The following CIC variants were observed in gnomAD, a reference collection of about 807,000 sequenced individuals.
CIC encodes capicua transcriptional repressor.
CIC carries 18 observed loss-of-function variants against 115.7 expected under a neutral mutation model. That is an observed-to-expected ratio of 0.16 (90% CI 0.11 to 0.23). The LOEUF (loss-of-function observed/expected upper bound fraction) is 0.23. Ranked by LOEUF, CIC falls within the 10% of genes least tolerant of loss-of-function variation. The pLI, the probability that CIC is intolerant of heterozygous loss-of-function variation, is 1.00. For synonymous variants in CIC, 1,076 were observed against 923.0 expected (o/e 1.17, Z -3.01); for missense variants, 2,000 against 2,159.3 (o/e 0.93, Z 1.46).
At position 42,294,749 on chromosome 19, in the gene CIC, G is replaced by A. The variant is rs764994929; in HGVS notation, c.7186+14G>A. On this transcript the variant is annotated intron_variant, in intron 20 of 20. Transcript: ENST00000681038. ...TCTTCCCGTCAGGTGAGCCTGTCTCGGAGTCTTGGGGTCACTCGGGTGGGA... is the reference window on the plus strand; with the variant it reads ...TCTTCCCGTCAGGTGAGCCTGTCTCAGAGTCTTGGGGTCACTCGGGTGGGA... 8.7e-6 allele frequency: 14 copies of A among 1,612,414 alleles called. No individual in the cohort carries two copies. Among genetic ancestry groups the A allele is most frequent in the Middle Eastern group, 1.7e-4 (1 of 6,060 alleles).
intron 2 of CIC, chr19:42,284,818 G>C (rs192606966): frequency 2.7e-6 from 4 of 1,470,804 alleles, no homozygotes; most frequent in Non-Finnish European, 3.7e-6. Flanking sequence ...AGGTGTCGGG[G>C]TGCTAAGTGC....
rs955358808 is a variant in CIC, at chr19:42,284,322, GCGCCC to G, written c.2795-2439_2795-2435del. On this transcript the variant is annotated intron_variant, in intron 2 of 20. Coordinates refer to ENST00000681038, the MANE Select transcript of CIC (RefSeq NM_001386298.1). The stretch of plus-strand genomic sequence containing the variant: ...GGGGCCGCCCCCGCGCACGCGCGTC[GCGCCC>G]CGCCCCGCCTGCCCCGCCTGCCCCG... The G allele has an allele frequency of 4.9e-5, 7 of 141,794 alleles. No homozygotes were observed. In the South Asian group the frequency reaches 9.1e-4, roughly 18 times the overall value. 8.8% of individuals were successfully genotyped at this position (141,794 alleles called of 1,614,324 possible). A position where few individuals can be genotyped will look rare whatever the true frequency, so the allele number is the denominator to read the frequency against.
Position 42,291,579 on chromosome 19 carries a change from A to G in CIC, c.5447A>G (p.Gln1816Arg), listed in dbSNP as rs763794692. Residue 1816 changes from glutamine (Q) to arginine (R), a missense_variant, in exon 12 of 21, where the codon CAG becomes CGG. Transcript: ENST00000681038. ...PPKAQSVSPV[Q>R]APPPGGSAQL... The stretch of plus-strand genomic sequence containing the variant: ...CCAGCCCAGTCAGTTTCTCCCGTGC[A>G]GGCCCCGCCCCCGGGTGGCTCAGCC... 3 of 1,612,986 alleles carry G rather than the reference A, an allele frequency of 1.9e-6. No homozygotes were observed. The highest frequency in any genetic ancestry group is 1.1e-5 in the South Asian group (1 of 91,072).
intron 2 of CIC, chr19:42,284,909 C>T: frequency 2.5e-6 from 2 of 802,902 alleles, no homozygotes; most frequent in East Asian, 2.8e-5. Context: ...TTACGGAGCT[C>T]GGCCGGGCCG....
rs1354996798 is a variant in CIC, at chr19:42,290,909, G to A, written c.4868G>A (p.Gly1623Glu). Residue 1623 changes from glycine to glutamate, a missense_variant, in exon 11 of 21, where the codon GGG becomes GAG. This residue lies in a region of CIC where 1,466 missense variants were observed against 1,390.4 expected (regional missense o/e 1.05). Coordinates refer to ENST00000681038, the MANE Select transcript of CIC (RefSeq NM_001386298.1). ...GGTGCCAGGACTGAAATGGGCACTGGGTCTCGGGTGCCTGGGGGCTCCCCG... is the reference window on the plus strand; with the variant it reads ...GGTGCCAGGACTGAAATGGGCACTGAGTCTCGGGTGCCTGGGGGCTCCCCG... ...TAGARTEMGT[G>E]SRVPGGSPLG... is the part of the protein sequence containing the mutation. 1.9e-6 allele frequency: 3 copies of A among 1,613,428 alleles called. No homozygotes were observed. The Admixed American group carries it at 5.0e-5, about 27-fold the overall frequency.
rs1453249348 is a variant in CIC, at chr19:42,271,906, G to A, written c.123G>A (p.Glu41=). The change falls in exon 2 of 21, where the codon GAG becomes GAA. Residue 41 remains glutamate, a synonymous_variant. Transcript: ENST00000681038. ...RRGAGEGDKP[E]EEDDEAQQPQ... The stretch of plus-strand genomic sequence containing the variant: ...GGGCTGGGGAGGGTGACAAGCCAGA[G>A]GAGGAGGATGACGAGGCACAGCAGC... The A allele has an allele frequency of 1.8e-5, 7 of 398,942 alleles. No homozygotes were observed. The highest frequency in any genetic ancestry group is 3.1e-5 in the Non-Finnish European group (7 of 226,360). 24.7% of individuals were successfully genotyped at this position (398,942 alleles called of 1,614,324 possible). A position where few individuals can be genotyped will look rare whatever the true frequency, so the allele number is the denominator to read the frequency against.
rs1436151198 is a variant in CIC, at chr19:42,292,820, G to A, written c.6157G>A (p.Ala2053Thr). ...LPKGPPAPAT[A>T]TPAPTSPFPS... ...CAAGGGCCCGCCAGCCCCTGCCACT[G>A]CCACCCCAGCCCCGACTAGCCCTTT... Residue 2053 changes from alanine to threonine, a missense_variant, in exon 15 of 21, where the codon GCC (alanine) becomes ACC (threonine). This residue lies in a region of CIC where 1,466 missense variants were observed against 1,390.4 expected (regional missense o/e 1.05). Coordinates refer to ENST00000681038, the MANE Select transcript of CIC (RefSeq NM_001386298.1). 2 of 1,613,792 alleles carry A rather than the reference G, an allele frequency of 1.2e-6. No homozygotes were observed. Among genetic ancestry groups the A allele is most frequent in the South Asian group, 2.2e-5 (2 of 91,078 alleles).
At chr19:42,292,039 G>C in intron 12 of CIC, 47 bp from the exon 13 acceptor site, 1 of 1,612,016 alleles carries the variant, frequency 6.2e-7, no homozygotes. Context: ...CCCTGCCCCA[G>C]TCTGGGGCCA....
Position 42,280,328 on chromosome 19 carries a change from C to T in CIC, c.2794+5751C>T, listed in dbSNP as rs964306334. On this transcript the variant is annotated intron_variant, in intron 2 of 20. Transcript: ENST00000681038. The surrounding 1 kb of genome is among the most constrained non-coding windows in gnomAD (Gnocchi z 4.9). ...TGCTATCCCCCCTCTGAGCCTGTTT[C>T]TTGCGAAGTAGTCGGGGAAACCGGG... 1 of 152,240 alleles carries T rather than the reference C, an allele frequency of 6.6e-6. No individual in the cohort carries two copies. The highest frequency in any genetic ancestry group is 6.5e-5 in the Admixed American group (1 of 15,290). 9.4% of individuals were successfully genotyped at this position (152,240 alleles called of 1,614,324 possible). A position where few individuals can be genotyped will look rare whatever the true frequency, so the allele number is the denominator to read the frequency against.
chr19:42,271,794 T>C lies in CIC; in HGVS notation c.11T>C (p.Met4Thr), dbSNP rs2036799534. Residue 4 changes from methionine to threonine, a missense_variant, in exon 2 of 21, where the codon ATG becomes ACG. Around this residue, in one of 8 missense-constraint regions of CIC, gnomAD observed 222 missense variants for 247.7 expected, o/e 0.90. Coordinates refer to ENST00000681038, the MANE Select transcript of CIC (RefSeq NM_001386298.1). MKP[M>T]KKACTGLSGP... Reference sequence around the variant, plus strand: ...TGCAGGTGGACAAAAATGAAGCCAATGAAGAAGGCATGCACTGGCCTTTCA... The same window carrying C: ...TGCAGGTGGACAAAAATGAAGCCAACGAAGAAGGCATGCACTGGCCTTTCA... The C allele has an allele frequency of 2.5e-6, 1 of 398,688 alleles. No homozygotes were observed. The highest frequency in any genetic ancestry group is 4.4e-6 in the Non-Finnish European group (1 of 226,134). 24.7% of individuals were successfully genotyped at this position (398,688 alleles called of 1,614,324 possible).
At chr19:42,279,179 GGTCTCCT>G (rs1347863103) in intron 2 of CIC, among the ~76,000 whole-genome samples, 1 of 152,224 alleles carries the variant, frequency 6.6e-6, no homozygotes, top group Non-Finnish European at 1.5e-5. Context: ...GTTAAGCCTG[GGTCTCCT>G]GACTCCCCAG....
chr19:42,277,542 G>A (rs1208045303), intron 2 of CIC, among the ~76,000 whole-genome samples: 2 of 152,136 alleles, frequency 1.3e-5, no homozygotes, highest in African/African-American at 4.8e-5. Flanking sequence ...CAAGAGCCAG[G>A]ATTTGAACTC....
In CIC at chr19:42,287,812, G is replaced by A. The variant is rs763282122; in HGVS notation, c.3495G>A (p.Val1165=). Reference sequence around the variant, plus strand: ...GTTGCCCTGCCCTCTCCTGCCAGGTGAAGGAGGCCCACTTCAAGGCCCACC... The same window carrying A: ...GTTGCCCTGCCCTCTCCTGCCAGGTAAAGGAGGCCCACTTCAAGGCCCACC... The part of the protein sequence containing the change: ...KQKYHDLAFQ[V]KEAHFKAHPD... Residue 1165 remains valine (V), a splice_region_variant and synonymous_variant, in exon 7 of 21, where the codon GTG becomes GTA. Coordinates refer to ENST00000681038, the MANE Select transcript of CIC (RefSeq NM_001386298.1). This position sits in a 1 kb window ranked among gnomAD's most constrained non-coding sequence, Gnocchi z 8.7. 1 of 1,613,986 alleles carries A rather than the reference G, an allele frequency of 6.2e-7. No homozygotes were observed. The highest frequency in any genetic ancestry group is 8.5e-7 in the Non-Finnish European group (1 of 1,179,912).
rs767737613 is a variant in CIC, at chr19:42,293,753, G to A, written c.6684G>A (p.Pro2228=). The change falls in exon 17 of 21, where the codon CCG becomes CCA. Residue 2228 remains proline (P), a synonymous_variant. Coordinates refer to ENST00000681038, the MANE Select transcript of CIC (RefSeq NM_001386298.1). ...GTGGGCGGGCAGCCGGGGACACCCC[G>A]GAGCGCAAGGAGGCGGCTGGTACTG... is the stretch of plus-strand genomic sequence containing the variant. ...SSSGRAAGDT[P]ERKEAAGTGK... is the part of the protein sequence containing the mutation. The A allele has an allele frequency of 4.3e-5, 70 of 1,612,716 alleles. No homozygotes were observed. Among genetic ancestry groups the A allele is most frequent in the African/African-American group, 2.0e-4 (15 of 74,946 alleles).
Position 42,289,214 on chromosome 19 carries a change from A to C in CIC, c.3895A>C (p.Lys1299Gln). ...VSGPASYSGP[K>Q]PSTQYGAPGP... is the part of the protein sequence containing the mutation. The stretch of plus-strand genomic sequence containing the variant: ...TGGCCCTGCATCGTACTCTGGCCCA[A>C]AGCCTTCTACCCAGTATGGAGCTCC... The change falls in exon 9 of 21, where the codon AAG becomes CAG. Residue 1299 changes from lysine to glutamine, a missense_variant. Coordinates refer to ENST00000681038, the MANE Select transcript of CIC (RefSeq NM_001386298.1). 1 of 1,613,338 alleles carries C rather than the reference A, an allele frequency of 6.2e-7. No homozygotes were observed. Among genetic ancestry groups the C allele is most frequent in the Non-Finnish European group, 8.5e-7 (1 of 1,180,010 alleles).
chr19:42,294,487 C>A, intron 19 of CIC, 117 bp from the exon 20 acceptor site: 1 of 1,562,024 alleles, frequency 6.4e-7, no homozygotes, highest in Non-Finnish European at 8.7e-7. Context: ...TGGGCAGGAC[C>A]CCTCTCTGAC....
intron 2 of CIC, among the ~76,000 whole-genome samples, chr19:42,286,024 G>A (rs1374773658): frequency 6.6e-6 from 1 of 152,222 alleles, no homozygotes; most frequent in Non-Finnish European, 1.5e-5. Context: ...CCTGTTTTGG[G>A]CAAGGGGGCT....
rs1182992117 is a variant in CIC, at chr19:42,294,974, T to C, written c.7337T>C (p.Val2446Ala). 6.3e-7 allele frequency: 1 copy of C among 1,599,768 alleles called. No individual in the cohort carries two copies. The highest frequency in any genetic ancestry group is 1.1e-5 in the South Asian group (1 of 91,072). Residue 2446 changes from valine to alanine, a missense_variant, in exon 21 of 21, where the codon GTA becomes GCA. By Grantham distance (64) the Val-to-Ala change is moderately conservative. Around this residue, in one of 8 missense-constraint regions of CIC, gnomAD observed 133 missense variants for 116.0 expected, o/e 1.15. Coordinates refer to ENST00000681038, the MANE Select transcript of CIC (RefSeq NM_001386298.1). ...QPPGAEAPLP[V>A]PPPTGTAAAP... Reference sequence around the variant, plus strand: ...CCTGGAGCTGAGGCTCCTCTCCCTGTACCGCCCCCCACTGGCACCGCTGCT... The same window carrying C: ...CCTGGAGCTGAGGCTCCTCTCCCTGCACCGCCCCCCACTGGCACCGCTGCT...
chr19:42,285,721 C>T (rs546111213), intron 2 of CIC, among the ~76,000 whole-genome samples: 1 of 152,302 alleles, frequency 6.6e-6, no homozygotes, highest in East Asian at 1.9e-4. Flanking sequence ...CTGCTGGTTC[C>T]ACTTCCCCCA....
Sources: allele counts gnomAD v4.1 joint callset (sites outside exome capture counted in the v4.1 genomes callset), GRCh38; gene constraint gnomAD v4.1.1; regional missense constraint gnomAD v4.1.1; non-coding constraint Gnocchi (gnomAD v3.1); transcripts MANE v1.5; gene names NCBI Gene and HGNC (gene_info 2026-07-23, HGNC 2026-07-21).